The following PCDH17 variants were observed in gnomAD, a reference collection of about 807,000 sequenced individuals.
PCDH17 encodes protocadherin 17, also known as protocadherin-17.
In PCDH17, 21 loss-of-function variants were observed where a neutral mutation model predicts 67.7. The ratio of observed to expected loss-of-function variants is 0.31; its 90% CI spans 0.22 to 0.45. The LOEUF is 0.45. Among genes scored for constraint, PCDH17 ranks in the 20% least tolerant of loss-of-function variants. The pLI, the probability that PCDH17 is intolerant of heterozygous loss-of-function variation, is 1.00. For synonymous variants in PCDH17, 701 were observed against 656.7 expected, an observed-to-expected ratio of 1.07 and a Z score of -1.03; for missense variants, 1,471 against 1,564.8, an observed-to-expected ratio of 0.94 and a Z score of 1.01.
chr13:57,711,564 A>T (rs187775222), intron 3 of PCDH17, among the ~76,000 whole-genome samples: 1 of 151,914 alleles, frequency 6.6e-6, no homozygotes, highest in Admixed American at 6.6e-5. Context: ...ACAAATTTGA[A>T]GTTATCATTT....
At chr13:57,654,937 G>A (rs746526583) in intron 1 of PCDH17, among the ~76,000 whole-genome samples, 7 of 151,800 alleles carry the variant, frequency 4.6e-5, no homozygotes, top group Admixed American at 6.6e-5. Context: ...CTTTCATTAT[G>A]TTTTTGGATG....
rs763735010 is a variant in PCDH17 at position 57,725,293 on chromosome 13, G to GAAAA, written c.*2_*5dup. On this transcript the variant is annotated frameshift_variant and stop_retained_variant, in exon 4 of 4. Transcript: ENST00000377918. LOFTEE classifies it high-confidence loss of function. Reference sequence around the variant, plus strand: ...AACGACCCTGTGGCTGTGAGAAAGTGAAAAAAGAAAAAAAAAAAGGCATTG... The same window carrying GAAAA: ...AACGACCCTGTGGCTGTGAGAAAGTGAAAAAAAAAAGAAAAAAAAAAAGGCATTG... The GAAAA allele has an allele frequency of 1.4e-6, 2 of 1,476,864 alleles. No homozygotes were observed. Among genetic ancestry groups the GAAAA allele is most frequent in the Admixed American group, 2.3e-5 (1 of 43,552 alleles). 91.5% of individuals were successfully genotyped at this position (1,476,864 alleles called of 1,614,324 possible).
chr13:57,721,741 G>A (rs867462599), intron 3 of PCDH17, among the ~76,000 whole-genome samples: 5 of 151,106 alleles, frequency 3.3e-5, no homozygotes, highest in Admixed American at 6.6e-5. Flanking sequence ...TCTCATTCTC[G>A]TTTCCCTCCT....
chr13:57,679,199 G>T (rs1236751401), intron 3 of PCDH17, among the ~76,000 whole-genome samples: 1 of 151,250 alleles, frequency 6.6e-6, no homozygotes, highest in Non-Finnish European at 1.5e-5. Context: ...TAATTTGCAT[G>T]TTACAGCTTT....
In PCDH17 at chr13:57,703,999, T is replaced by TA. The variant is rs1302683701; in HGVS notation, c.2798-20612dup. Among the ~76,000 whole-genome samples, 67 of 152,138 alleles carry TA rather than the reference T, an allele frequency of 4.4e-4. 2 individuals carry two copies. The highest frequency in any genetic ancestry group is 1.5e-5 in the Non-Finnish European group (1 of 67,994). On this transcript the variant is annotated intron_variant, in intron 3 of 3. Transcript: ENST00000377918. Reference sequence around the variant, plus strand: ...GAATGTTGACTTATCCTTTTATTTTTACTGCTGTTGTTACTATTGTTGAGC... The same window carrying TA: ...GAATGTTGACTTATCCTTTTATTTTTAACTGCTGTTGTTACTATTGTTGAGC...
chr13:57,717,162 C>T (rs1422893371), intron 3 of PCDH17, among the ~76,000 whole-genome samples: 1 of 152,040 alleles, frequency 6.6e-6, no homozygotes, highest in East Asian at 2.0e-4. Context: ...TTCCAAGCAT[C>T]TGCCGCTGCC....
Position 57,632,359 on chromosome 13 carries a change from T to A in PCDH17, c.-188T>A, listed in dbSNP as rs1208878465. 1.8e-5 allele frequency: 11 copies of A among 612,840 alleles called. No homozygotes were observed. The East Asian group carries it at 3.0e-4, about 17-fold the overall frequency. The allele number at this position is 612,840 out of a possible 1,614,324, so 38.0% of individuals were successfully genotyped here. ...AGTGCGGATGCTGTAGATCAACAGG[T>A]TCAGGGAACTTGAGCAGAATAAGGA... On this transcript the variant is annotated 5_prime_UTR_variant, in exon 1 of 4. Transcript: ENST00000377918.
At position 57,634,882 on chromosome 13, in the gene PCDH17, CCATGAACGT is replaced by C. The variant is rs1167670640; in HGVS notation, c.2346_2354del (p.Met783_Val785del). Reference sequence around the variant, plus strand: ...CAGAGCGAAGTGGAGGAGAGGAACGCCATGAACGTCATGAACGTGGTGAGCAGCCCCTCC... The same window carrying C: ...CAGAGCGAAGTGGAGGAGAGGAACGCCATGAACGTGGTGAGCAGCCCCTCC... On this transcript the variant is annotated inframe_deletion, in exon 1 of 4. Transcript: ENST00000377918. This position sits in a 1 kb window ranked among gnomAD's most constrained non-coding sequence, Gnocchi z 7.8. 2 of 1,613,976 alleles carry C rather than the reference CCATGAACGT, an allele frequency of 1.2e-6. No individual in the cohort carries two copies. Among genetic ancestry groups the C allele is most frequent in the South Asian group, 1.1e-5 (1 of 91,064 alleles).
At chr13:57,698,415 G>T (rs962519264) in intron 3 of PCDH17, among the ~76,000 whole-genome samples, 3 of 151,750 alleles carry the variant, frequency 2.0e-5, no homozygotes, top group African/African-American at 7.2e-5. Context: ...TAAATGTTCT[G>T]TTTGAGATTA....
intron 3 of PCDH17, among the ~76,000 whole-genome samples, chr13:57,693,485 G>A (rs1031407551): frequency 3.3e-5 from 5 of 149,298 alleles, no homozygotes; most frequent in Non-Finnish European, 6.0e-5. Context: ...AGGTTAGAGT[G>A]GATGTGAGTC....
At chr13:57,724,426 T>G (rs1955895761) in intron 3 of PCDH17, among the ~76,000 whole-genome samples, 186 bp from the exon 4 acceptor site, 1 of 152,202 alleles carries the variant, frequency 6.6e-6, no homozygotes, top group South Asian at 2.1e-4. Context: ...TAGACTTAAA[T>G]TAAACCATTG....
At chr13:57,636,556 G>T (rs1954825866) in intron 1 of PCDH17, among the ~76,000 whole-genome samples, 1 of 151,894 alleles carries the variant, frequency 6.6e-6, no homozygotes, top group Admixed American at 6.6e-5. Flanking sequence ...ATCAATTGTA[G>T]TATTAAATCT....
upstream of PCDH17, among the ~76,000 whole-genome samples, chr13:57,631,546 T>A (rs376842292): frequency 6.6e-6 from 1 of 152,146 alleles, no homozygotes; most frequent in African/African-American, 2.4e-5. Flanking sequence ...TGGCTTGGCG[T>A]AGAGAAATCA....
chr13:57,703,566 C>A (rs567053494), intron 3 of PCDH17, among the ~76,000 whole-genome samples: 1 of 152,060 alleles, frequency 6.6e-6, no homozygotes, highest in Admixed American at 6.6e-5. Flanking sequence ...TTTTATTGTT[C>A]TGTTCAAAGG....
rs1356341049 is a variant in PCDH17 at position 57,682,062 on chromosome 13, A to G, written c.2797+15229A>G. 4.6e-5 allele frequency among the ~76,000 whole-genome samples: 7 copies of G among 151,168 alleles called. No individual in the cohort carries two copies. In the Admixed American group the frequency reaches 4.6e-4, roughly 10 times the overall value. On this transcript the variant is annotated intron_variant, in intron 3 of 3. Transcript: ENST00000377918. ...AATAGAGCAGCAACAACAACAAAAA[A>G]CCCCACATACTTGGTTAAACTCCAT...
chr13:57,633,670 G>C lies in PCDH17; in HGVS notation c.1124G>C (p.Arg375Pro), dbSNP rs761663389. The C allele has an allele frequency of 1.2e-5, 19 of 1,605,852 alleles. No individual in the cohort carries two copies. Residue 375 changes from arginine (R) to proline (P), a missense_variant, in exon 1 of 4, where the codon CGG becomes CCG. By Grantham distance (103) the Arg-to-Pro change is moderately radical (BLOSUM62 -2). Coordinates refer to ENST00000377918, the MANE Select transcript of PCDH17 (RefSeq NM_001040429.3). The surrounding 1 kb of genome is among the most constrained non-coding windows in gnomAD (Gnocchi z 6.2). ...CCCGGCACCGTCATCGCCCTGGTGC[G>C]GGTCACTGACCGGGACTCTGGCAAG... The part of the protein sequence containing the change: ...APPGTVIALV[R>P]VTDRDSGKNG...
intron 3 of PCDH17, among the ~76,000 whole-genome samples, chr13:57,715,893 G>A (rs1221255055): frequency 6.6e-6 from 1 of 151,940 alleles, no homozygotes; most frequent in Non-Finnish European, 1.5e-5. Flanking sequence ...AGATAAAGCA[G>A]ATGTAGGAAA....
At chr13:57,712,183 C>T (rs1444018059) in intron 3 of PCDH17, among the ~76,000 whole-genome samples, 1 of 151,600 alleles carries the variant, frequency 6.6e-6, no homozygotes, top group Non-Finnish European at 1.5e-5. Context: ...TTGTAGTTCA[C>T]TTATGGGTAG....
chr13:57,686,031 G>A (rs73207447), intron 3 of PCDH17, among the ~76,000 whole-genome samples: 8,423 of 151,928 alleles, frequency 0.055, 308 homozygotes, highest in Non-Finnish European at 0.086. Context: ...TGAAGTTGCA[G>A]TGAGTCATGA....
Sources: allele counts gnomAD v4.1 joint callset (sites outside exome capture counted in the v4.1 genomes callset), GRCh38; gene constraint gnomAD v4.1.1; non-coding constraint Gnocchi (gnomAD v3.1); transcripts MANE v1.5; gene names NCBI Gene and HGNC (gene_info 2026-07-23, HGNC 2026-07-21).